The following SPECC1 variants were observed in gnomAD, a reference collection of about 807,000 sequenced individuals.
The protein encoded by SPECC1 is sperm antigen with calponin homology and coiled-coil domains 1.
In SPECC1, 62 loss-of-function variants were observed where a neutral mutation model predicts 104.1. The ratio of observed to expected loss-of-function variants is 0.60; its 90% confidence interval spans 0.49 to 0.74. The LOEUF is 0.74. Ranked by LOEUF, SPECC1 falls within the 30% of genes least tolerant of loss-of-function variation. SPECC1 has a pLI of 0.00. For synonymous variants in SPECC1, 513 were observed against 501.6 expected (o/e 1.02, Z -0.30); for missense variants, 1,306 against 1,310.5 (o/e 1.00, Z 0.05).
At chr17:20,302,878 T>TAAAAA (rs35060925) in intron 13 of SPECC1, among the ~76,000 whole-genome samples, 25 of 61,844 alleles carry the variant, frequency 4.0e-4, no homozygotes, top group African/African-American at 8.8e-4. Flanking sequence ...TGAGCCCATC[T>TAAAAA]AAAAAAAAAA....
At chr17:20,248,321 C>T (rs577328854) in intron 9 of SPECC1, among the ~76,000 whole-genome samples, 8 of 152,304 alleles carry the variant, frequency 5.3e-5, no homozygotes, top group African/African-American at 1.9e-4. Flanking sequence ...TTGCCAAGTA[C>T]ACCCTTTAGC....
intron 7 of SPECC1, among the ~76,000 whole-genome samples, chr17:20,233,560 A>G (rs1362336881): frequency 1.3e-5 from 2 of 152,172 alleles, no homozygotes; most frequent in Non-Finnish European, 2.9e-5. Context: ...ATTTTTAGAG[A>G]TGGGGGTCTC....
intron 3 of SPECC1, among the ~76,000 whole-genome samples, chr17:20,158,906 G>A (rs1040401041): frequency 7.9e-5 from 12 of 151,794 alleles, no homozygotes; most frequent in African/African-American, 2.9e-4. Context: ...CAACAGGCCC[G>A]GCTGTTTCGT....
At chr17:20,046,033 G>A (rs916758989) in intron 1 of SPECC1, among the ~76,000 whole-genome samples, 9 of 150,422 alleles carry the variant, frequency 6.0e-5, no homozygotes, top group South Asian at 4.2e-4. Flanking sequence ...AAAACCATTA[G>A]CATAGTAATA....
Position 20,051,096 on chromosome 17 carries a change from C to CT in SPECC1, c.-22+41675dup, listed in dbSNP as rs1311654174. Among the ~76,000 whole-genome samples the CT allele has an allele frequency of 1.1e-4, 13 of 115,194 alleles. No homozygotes were observed. In the South Asian group the frequency reaches 4.0e-3, roughly 36 times the overall value. The allele number at this position is 115,194 out of a possible 152,430, so 75.6% of individuals were successfully genotyped here. A position where few individuals can be genotyped will look rare whatever the true frequency, so the allele number is the denominator to read the frequency against. On this transcript the variant is annotated intron_variant, in intron 1 of 14. Coordinates refer to ENST00000395527, the MANE Select transcript of SPECC1 (RefSeq NM_001243439.2). Reference sequence around the variant, plus strand: ...TCTTTCTTTCTTTCTTTCTTTCTTTCTTTCTTTCTTTCTTTCTTTCTTTCT... The same window carrying CT: ...TCTTTCTTTCTTTCTTTCTTTCTTTCTTTTCTTTCTTTCTTTCTTTCTTTCT...
intron 10 of SPECC1, among the ~76,000 whole-genome samples, chr17:20,254,841 A>G (rs1384636122): frequency 6.6e-6 from 1 of 152,204 alleles, no homozygotes; most frequent in African/African-American, 2.4e-5. Context: ...TGTTCTTAAA[A>G]TAGTTGTTTC....
intron 1 of SPECC1, among the ~76,000 whole-genome samples, chr17:20,053,008 C>T (rs1405342240): frequency 6.6e-6 from 1 of 152,324 alleles, no homozygotes; most frequent in East Asian, 1.9e-4. Flanking sequence ...AAGTGTCCCT[C>T]TCTTGGCCCC....
chr17:20,103,161 G>T (rs144403292), intron 2 of SPECC1, among the ~76,000 whole-genome samples: 2 of 152,318 alleles, frequency 1.3e-5, no homozygotes, highest in African/African-American at 2.4e-5. Context: ...GACGTGGGAT[G>T]GGGACCTCCT....
chr17:20,085,351 C>T (rs1304858939), intron 1 of SPECC1, among the ~76,000 whole-genome samples: 1 of 152,164 alleles, frequency 6.6e-6, no homozygotes, highest in Non-Finnish European at 1.5e-5. Context: ...AGGGCACATC[C>T]ATAGGGGGCA....
chr17:20,313,058 T>C lies in SPECC1; in HGVS notation c.3118-918T>C, dbSNP rs561511197. Among the ~76,000 whole-genome samples the C allele has an allele frequency of 3.3e-5, 5 of 152,350 alleles. No homozygotes were observed. In the East Asian group the frequency reaches 5.8e-4, roughly 18 times the overall value. ...CAATCCCAAAGTTAATTATTAAATATGTCCAGTGGCACAAATTTCAGAAAA... is the reference window on the plus strand; with the variant it reads ...CAATCCCAAAGTTAATTATTAAATACGTCCAGTGGCACAAATTTCAGAAAA... On this transcript the variant is annotated intron_variant, in intron 14 of 14. Transcript: ENST00000395527.
chr17:20,164,117 A>G (rs964371852), intron 3 of SPECC1, among the ~76,000 whole-genome samples: 4 of 151,450 alleles, frequency 2.6e-5, no homozygotes, highest in Admixed American at 6.6e-5. Context: ...GGATTAAAAG[A>G]TGTTTACATA....
chr17:20,033,214 T>G (rs2044899149), intron 1 of SPECC1, among the ~76,000 whole-genome samples: 1 of 152,104 alleles, frequency 6.6e-6, no homozygotes, highest in South Asian at 2.1e-4. Context: ...TCTGCCCGCC[T>G]CAGCATCCCA....
intron 1 of SPECC1, among the ~76,000 whole-genome samples, chr17:20,077,230 C>T (rs1358412801): frequency 6.6e-6 from 1 of 152,050 alleles, no homozygotes; most frequent in Non-Finnish European, 1.5e-5. Context: ...CTAGTATTTT[C>T]TTTCATGGAT....
At chr17:20,172,734 C>T (rs986754840) in intron 3 of SPECC1, among the ~76,000 whole-genome samples, 2 of 152,126 alleles carry the variant, frequency 1.3e-5, no homozygotes, top group Non-Finnish European at 2.9e-5. Context: ...CCCACTAGCC[C>T]TTGATGAGTT....
At chr17:20,035,442 C>CAA (rs1170671621) in intron 1 of SPECC1, among the ~76,000 whole-genome samples, 55 of 152,028 alleles carry the variant, frequency 3.6e-4, no homozygotes, top group Non-Finnish European at 6.8e-4. Context: ...CTATTTAAGT[C>CAA]TTCTTTGATT....
chr17:20,143,385 C>CAA (rs559355436), intron 3 of SPECC1, among the ~76,000 whole-genome samples: 6 of 106,346 alleles, frequency 5.6e-5, no homozygotes, highest in African/African-American at 1.0e-4. Flanking sequence ...GATCAAGTTT[C>CAA]AAAAAAAAAA....
intron 3 of SPECC1, among the ~76,000 whole-genome samples, chr17:20,115,483 A>C (rs1567854201): frequency 6.6e-6 from 1 of 151,570 alleles, no homozygotes; most frequent in Non-Finnish European, 1.5e-5. Context: ...ATAAATAAAT[A>C]AATAAATAAA....
intron 12 of SPECC1, among the ~76,000 whole-genome samples, chr17:20,277,325 A>G (rs2040606218): frequency 6.6e-6 from 1 of 152,212 alleles, no homozygotes; most frequent in Non-Finnish European, 1.5e-5. Context: ...AAACTCTCCA[A>G]CCTAATTGGG....
chr17:20,271,171 G>T (rs981012657), intron 12 of SPECC1, among the ~76,000 whole-genome samples: 4 of 151,878 alleles, frequency 2.6e-5, no homozygotes, highest in African/African-American at 9.7e-5. Flanking sequence ...TGAGAGCTCT[G>T]CTTCCTGCTC....
Sources: gnomAD v4.1 joint callset for allele counts (sites outside exome capture counted in the v4.1 genomes callset) on GRCh38, gnomAD v4.1.1 for gene constraint, MANE v1.5 for transcripts, NCBI Gene and HGNC (gene_info 2026-07-23, HGNC 2026-07-21) for gene names.